Variants in SNPH observed in about 807,000 individuals in gnomAD.
The protein encoded by SNPH is syntaphilin.
A neutral mutation model predicts 36.8 loss-of-function variants in SNPH; 10 were observed. That is an observed-to-expected ratio of 0.27 (90% CI 0.17 to 0.46). The LOEUF (loss-of-function observed/expected upper bound fraction) is 0.46. Ranked by LOEUF, SNPH falls within the 20% of genes least tolerant of loss-of-function variation. SNPH has a pLI of 1.00. For missense variants in SNPH, 622 were observed against 744.0 expected, an observed-to-expected ratio of 0.84 and a Z score of 1.91; for synonymous variants, 281 against 312.2, an observed-to-expected ratio of 0.90 and a Z score of 1.05.
At chr20:1,289,111 A>G (rs919394662) in intron 2 of SNPH, among the ~76,000 whole-genome samples, 4 of 152,148 alleles carry the variant, frequency 2.6e-5, no homozygotes, top group Admixed American at 2.6e-4. Context: ...TCCCAGGTCT[A>G]CTGTATTATG....
intron 4 of SNPH, 185 bp from the exon 5 acceptor site, chr20:1,296,960 T>C: frequency 5.1e-6 from 4 of 786,022 alleles, no homozygotes; most frequent in Non-Finnish European, 6.2e-6. Flanking sequence ...CTTCTGGTTT[T>C]CCATCTTGAT....
Position 1,306,409 on chromosome 20 carries a change from G to T in SNPH, c.*355G>T. ...GGCTGTCTTCATGTGGGGAAGCCGG[G>T]CTTGAGTTGCCCATAGGCCCCTGCC... On this transcript the variant is annotated 3_prime_UTR_variant, in exon 7 of 7. Coordinates refer to ENST00000381867, the MANE Select transcript of SNPH (RefSeq NM_001318234.2). 4.8e-6 allele frequency: 1 copy of T among 207,518 alleles called. No individual in the cohort carries two copies. The highest frequency in any genetic ancestry group is 2.3e-5 in the African/African-American group (1 of 43,518). The allele number at this position is 207,518 out of a possible 1,614,324, so 12.9% of individuals were successfully genotyped here. A position where few individuals can be genotyped will look rare whatever the true frequency, so the allele number is the denominator to read the frequency against.
intron 2 of SNPH, among the ~76,000 whole-genome samples, chr20:1,278,919 T>C (rs897446981): frequency 1.3e-5 from 2 of 152,204 alleles, no homozygotes; most frequent in African/African-American, 4.8e-5. Context: ...TCATATTCCA[T>C]AGTATGGAGA....
intron 3 of SNPH, among the ~76,000 whole-genome samples, chr20:1,295,200 T>A (rs1180578113): frequency 6.6e-6 from 1 of 152,154 alleles, no homozygotes; most frequent in Non-Finnish European, 1.5e-5. Flanking sequence ...TTCCCCACTC[T>A]GCCCCAGACT....
At chr20:1,300,201 C>T (rs1405788542) in intron 5 of SNPH, among the ~76,000 whole-genome samples, 1 of 152,192 alleles carries the variant, frequency 6.6e-6, no homozygotes, top group Admixed American at 6.5e-5. Flanking sequence ...AGGCCAGCGG[C>T]CCCTCTAAAA....
chr20:1,301,538 A>G (rs1220811684), intron 6 of SNPH, among the ~76,000 whole-genome samples: 3 of 151,850 alleles, frequency 2.0e-5, no homozygotes, highest in South Asian at 2.1e-4. Context: ...CTTTATTGCA[A>G]TGTAACTTAC....
chr20:1,268,437 C>T (rs76914781), intron 2 of SNPH, among the ~76,000 whole-genome samples: 9,239 of 152,178 alleles, frequency 0.061, 380 homozygotes, highest in South Asian at 0.1. Context: ...CTTGTATTTT[C>T]GATTCTTTAT....
chr20:1,270,096 G>T (rs2088054778), intron 2 of SNPH, among the ~76,000 whole-genome samples: 1 of 152,198 alleles, frequency 6.6e-6, no homozygotes, highest in African/African-American at 2.4e-5. Flanking sequence ...CAAATGATCT[G>T]CATGCATCTA....
In SNPH at chr20:1,294,254, T is replaced by G. The variant is rs2088399874; in HGVS notation, c.-492-697T>G. Among the ~76,000 whole-genome samples the G allele has an allele frequency of 6.6e-6, 1 of 152,144 alleles. No homozygotes were observed. The highest frequency in any genetic ancestry group is 2.4e-5 in the African/African-American group (1 of 41,426). The stretch of plus-strand genomic sequence containing the variant: ...AATGGGCCAAGGCAGACGAGAGCAC[T>G]CAGCATGGCCACCTTACCACTGAAG... On this transcript the variant is annotated intron_variant, in intron 2 of 6. Transcript: ENST00000381867. The surrounding 1 kb of genome is among the most constrained non-coding windows in gnomAD (Gnocchi z 4.4).
At chr20:1,275,705 T>C (rs1243260502) in intron 2 of SNPH, among the ~76,000 whole-genome samples, 1 of 152,068 alleles carries the variant, frequency 6.6e-6, no homozygotes, top group East Asian at 1.9e-4. Context: ...CCTCAAAGCT[T>C]AGCTGGGCTC....
chr20:1,304,510 G>C lies in SNPH; in HGVS notation c.441-368G>C, dbSNP rs3795140. Among the ~76,000 whole-genome samples the C allele has an allele frequency of 0.29, 44,425 of 151,480 alleles. 6,895 individuals are homozygous for C. Among genetic ancestry groups the C allele is most frequent in the East Asian group, 0.44 (2,282 of 5,142 alleles). ...ATTTTATTAGGTTTTTATAGCAGTA[G>C]CTATAAAACTTATGAGCATCTTTGT... On this transcript the variant is annotated intron_variant, in intron 6 of 6. Transcript: ENST00000381867. This position sits in a 1 kb window ranked among gnomAD's most constrained non-coding sequence, Gnocchi z 4.3.
At chr20:1,275,257 A>G (rs1568538552) in intron 2 of SNPH, among the ~76,000 whole-genome samples, 1 of 152,164 alleles carries the variant, frequency 6.6e-6, no homozygotes, top group African/African-American at 2.4e-5. Flanking sequence ...GCCAAAGAGA[A>G]ATCGATTATT....
At chr20:1,284,736 G>A (rs1403343137) in intron 2 of SNPH, among the ~76,000 whole-genome samples, 1 of 152,104 alleles carries the variant, frequency 6.6e-6, no homozygotes, top group Non-Finnish European at 1.5e-5. Context: ...AAGGCAGGGT[G>A]GCTAGAGCAG....
chr20:1,289,519 ACACACACACACACACACAC>A, intron 2 of SNPH, among the ~76,000 whole-genome samples: 1 of 28,380 alleles, frequency 3.5e-5, no homozygotes, highest in African/African-American at 1.2e-4. Flanking sequence ...AAATACACAC[ACACACACACACACACACAC>A]ACACACACAC....
chr20:1,284,848 A>G (rs1262459290), intron 2 of SNPH, among the ~76,000 whole-genome samples: 1 of 152,188 alleles, frequency 6.6e-6, no homozygotes, highest in Non-Finnish European at 1.5e-5. Flanking sequence ...TTTAGCCTCT[A>G]TTGAAAGGAA....
Position 1,266,536 on chromosome 20 carries a change from G to A in SNPH, c.-599-118G>A, listed in dbSNP as rs2088005982. ...GGACGGAGCACCCGGCAGGCAGCCT[G>A]CCCTCCAAGCCTTCTGGCTGCAGCG... On this transcript the variant is annotated intron_variant, in intron 1 of 6. Transcript: ENST00000381867. The surrounding 1 kb of genome is among the most constrained non-coding windows in gnomAD (Gnocchi z 6.0). The A allele has an allele frequency of 4.5e-6, 6 of 1,337,898 alleles. No individual in the cohort carries two copies. Among genetic ancestry groups the A allele is most frequent in the Non-Finnish European group, 4.8e-6 (5 of 1,036,902 alleles). 82.9% of individuals were successfully genotyped at this position (1,337,898 alleles called of 1,614,324 possible).
intron 2 of SNPH, among the ~76,000 whole-genome samples, chr20:1,278,067 T>TGC (rs2088171158): frequency 7.5e-6 from 1 of 134,130 alleles, no homozygotes; most frequent in African/African-American, 3.1e-5. Flanking sequence ...TGTCTGTGTG[T>TGC]GTATCTGTGT....
Position 1,296,378 on chromosome 20 carries a change from A to G in SNPH, c.139A>G (p.Met47Val), listed in dbSNP as rs756311541. Reference protein sequence around the residue: ...PLTRTHSLMAMSLPGSRRTSA... With the variant: ...PLTRTHSLMAVSLPGSRRTSA... ...TACTCGGACCCACAGCCTCATGGCC[A>G]TGTCCCTGCCAGGAAGTAGACGGAC... Residue 47 changes from methionine (M) to valine (V), a missense_variant, in exon 4 of 7, where the codon ATG (methionine) becomes GTG (valine). Coordinates refer to ENST00000381867, the MANE Select transcript of SNPH (RefSeq NM_001318234.2). The G allele has an allele frequency of 1.9e-6, 3 of 1,602,450 alleles. No homozygotes were observed. The highest frequency in any genetic ancestry group is 3.4e-5 in the Admixed American group (2 of 58,896).
intron 5 of SNPH, among the ~76,000 whole-genome samples, chr20:1,299,628 A>T (rs1162311026): frequency 1.3e-5 from 2 of 152,188 alleles, no homozygotes; most frequent in African/African-American, 4.8e-5. Context: ...GGAGCAGTGC[A>T]CTTCCAGCCT....
Sources: allele counts gnomAD v4.1 joint callset (sites outside exome capture counted in the v4.1 genomes callset), GRCh38; gene constraint gnomAD v4.1.1; non-coding constraint Gnocchi (gnomAD v3.1); transcripts MANE v1.5; gene names NCBI Gene and HGNC (gene_info 2026-07-23, HGNC 2026-07-21).